The following C8orf34 variants were observed in gnomAD, a reference collection of about 807,000 sequenced individuals.
The protein encoded by C8orf34 is chromosome 8 open reading frame 34.
Under a neutral mutation model 68.3 loss-of-function variants are expected in C8orf34, and 65 were observed. The ratio of observed to expected loss-of-function variants is 0.95; its 90% CI spans 0.78 to 1.17. C8orf34 has a LOEUF of 1.17. Among genes scored for constraint, C8orf34 ranks in the 50% most tolerant of loss-of-function variants. The probability of loss-of-function intolerance (pLI) is 0.00; values close to 1 mark genes in which losing one functional copy is unlikely to be tolerated. For missense variants in C8orf34, 664 were observed against 655.4 expected, an observed-to-expected ratio of 1.01 and a Z score of -0.14; for synonymous variants, 244 against 241.2, an observed-to-expected ratio of 1.01 and a Z score of -0.11.
chr8:68,334,099 AGT>A (rs1348647235), intron 1 of C8orf34, among the ~76,000 whole-genome samples: 2 of 152,104 alleles, frequency 1.3e-5, no homozygotes, highest in African/African-American at 4.8e-5. Context: ...TTGTTCACTT[AGT>A]TTATTTCTTA....
At chr8:68,678,386 C>T (rs1820257746) in intron 8 of C8orf34, among the ~76,000 whole-genome samples, 1 of 152,124 alleles carries the variant, frequency 6.6e-6, no homozygotes, top group Non-Finnish European at 1.5e-5. Context: ...GATCATTCAT[C>T]ACAATCAGAT....
At chr8:68,533,302 G>A in intron 7 of C8orf34, 153 bp downstream of exon 7, 1 of 1,376,638 alleles carries the variant, frequency 7.3e-7, no homozygotes, top group Non-Finnish European at 9.4e-7. Flanking sequence ...CTCACATAAA[G>A]TTGCATGTAA....
At chr8:68,761,468 C>A (rs1823022023) in intron 10 of C8orf34, among the ~76,000 whole-genome samples, 1 of 152,182 alleles carries the variant, frequency 6.6e-6, no homozygotes, top group African/African-American at 2.4e-5. Context: ...CATCTATAAG[C>A]CCCAATTTGA....
At chr8:68,521,266 C>T (rs1013487383) in intron 5 of C8orf34, among the ~76,000 whole-genome samples, 1 of 152,172 alleles carries the variant, frequency 6.6e-6, no homozygotes, top group African/African-American at 2.4e-5. Flanking sequence ...AAACAGATTA[C>T]TAACATTTGT....
intron 10 of C8orf34, among the ~76,000 whole-genome samples, chr8:68,757,861 T>C (rs1289958018): frequency 6.6e-6 from 1 of 152,180 alleles, no homozygotes; most frequent in Non-Finnish European, 1.5e-5. Context: ...TAATACAGTC[T>C]CTCTGAGCTT....
intron 7 of C8orf34, among the ~76,000 whole-genome samples, chr8:68,607,069 T>C (rs1019652736): frequency 1.1e-4 from 16 of 152,216 alleles, no homozygotes; most frequent in African/African-American, 3.1e-4. Context: ...CCCATCTGTG[T>C]TTCTTATCGT....
At chr8:68,371,730 G>A (rs894454696) in intron 1 of C8orf34, among the ~76,000 whole-genome samples, 1 of 151,834 alleles carries the variant, frequency 6.6e-6, no homozygotes, top group Non-Finnish European at 1.5e-5. Flanking sequence ...CTCCTGAGTA[G>A]CTGGGATTAC....
At chr8:68,754,087 A>G (rs1388490984) in intron 10 of C8orf34, among the ~76,000 whole-genome samples, 1 of 138,888 alleles carries the variant, frequency 7.2e-6, no homozygotes, top group Non-Finnish European at 1.5e-5. Context: ...TTGTGAATGG[A>G]TTAACTGGAA....
chr8:68,813,387 T>G (rs1453158188), intron 12 of C8orf34, among the ~76,000 whole-genome samples: 1 of 151,918 alleles, frequency 6.6e-6, no homozygotes, highest in African/African-American at 2.4e-5. Context: ...TTTTTTATTC[T>G]CTGTTATCCT....
intron 10 of C8orf34, among the ~76,000 whole-genome samples, chr8:68,739,777 A>G (rs1822227848): frequency 6.6e-6 from 1 of 152,166 alleles, no homozygotes; most frequent in Non-Finnish European, 1.5e-5. Context: ...GAGCCCAAAT[A>G]CCCAAGGCAA....
At chr8:68,579,800 A>G (rs1475219477) in intron 7 of C8orf34, among the ~76,000 whole-genome samples, 1 of 152,176 alleles carries the variant, frequency 6.6e-6, no homozygotes, top group African/African-American at 2.4e-5. Context: ...ATGTGCGGCT[A>G]CTTTCTTATA....
At chr8:68,614,307 G>A (rs1394268344) in intron 7 of C8orf34, among the ~76,000 whole-genome samples, 6 of 152,154 alleles carry the variant, frequency 3.9e-5, no homozygotes, top group Non-Finnish European at 8.8e-5. Context: ...GATCGCATTT[G>A]TCAATTTTGG....
intron 8 of C8orf34, among the ~76,000 whole-genome samples, chr8:68,687,455 G>C (rs1178313407): frequency 6.6e-6 from 1 of 151,842 alleles, no homozygotes; most frequent in Admixed American, 6.6e-5. Context: ...CAGAAATAAA[G>C]CCAAATACTT....
rs1195718682 is a variant in C8orf34 at position 68,640,387 on chromosome 8, G to C, written c.1117G>C (p.Asp373His). The C allele has an allele frequency of 6.2e-7, 1 of 1,613,272 alleles. No individual in the cohort carries two copies. Among genetic ancestry groups the C allele is most frequent in the Non-Finnish European group, 8.5e-7 (1 of 1,179,554 alleles). The change falls in exon 8 of 14, where the codon GAT becomes CAT. Residue 373 changes from aspartate (D) to histidine (H), a missense_variant. By Grantham distance (81) the Asp-to-His change is moderately conservative (BLOSUM62 -1). Coordinates refer to ENST00000518698, the MANE Select transcript of C8orf34 (RefSeq NM_052958.4). ...TTGTGTTGTTACAGAGGATCTTAAT[G>C]ATTTAAGAATGGAGGGAGTAACAAC... is the stretch of plus-strand genomic sequence containing the variant. ...DAMELLEDLN[D>H]LRMEGVTTLV...
At chr8:68,394,090 T>C (rs1808586536) in intron 1 of C8orf34, among the ~76,000 whole-genome samples, 1 of 151,852 alleles carries the variant, frequency 6.6e-6, no homozygotes. Flanking sequence ...GCATGCCATT[T>C]TTTTTTTATT....
chr8:68,358,708 T>G (rs1392079966), intron 1 of C8orf34, among the ~76,000 whole-genome samples: 4 of 144,020 alleles, frequency 2.8e-5, no homozygotes, highest in African/African-American at 1.1e-4. Flanking sequence ...TATTCATATT[T>G]ATTTATTTTT....
At chr8:68,656,793 A>G (rs1819522492) in intron 8 of C8orf34, among the ~76,000 whole-genome samples, 1 of 152,032 alleles carries the variant, frequency 6.6e-6, no homozygotes, top group South Asian at 2.1e-4. Flanking sequence ...CTTCACCCCA[A>G]GTAGGTTTCT....
intron 7 of C8orf34, among the ~76,000 whole-genome samples, chr8:68,565,256 T>C (rs977654845): frequency 2.6e-5 from 4 of 152,168 alleles, no homozygotes; most frequent in Admixed American, 2.0e-4. Flanking sequence ...AATTGGATCG[T>C]TGTTCTCCTG....
intron 1 of C8orf34, among the ~76,000 whole-genome samples, chr8:68,409,689 G>A (rs1809360856): frequency 6.6e-6 from 1 of 152,128 alleles, no homozygotes; most frequent in Non-Finnish European, 1.5e-5. Context: ...AATGTACAGT[G>A]TTGATGAAGT....
Sources: allele counts gnomAD v4.1 joint callset (sites outside exome capture counted in the v4.1 genomes callset), GRCh38; gene constraint gnomAD v4.1.1; transcripts MANE v1.5; gene names NCBI Gene and HGNC (gene_info 2026-07-23, HGNC 2026-07-21).